The following CDH13 variants were observed in gnomAD, a reference collection of about 807,000 sequenced individuals.
CDH13 encodes cadherin-13.
Under a neutral mutation model 63.8 loss-of-function variants are expected in CDH13, and 24 were observed. The observed-to-expected ratio is 0.38, with a 90% CI of 0.27 to 0.53. CDH13 has a LOEUF of 0.53. CDH13 is among the 20% of genes least tolerant of loss of function. The probability of loss-of-function intolerance (pLI) is 0.85; values close to 1 mark genes in which losing one functional copy is unlikely to be tolerated. For synonymous variants in CDH13, 503 were observed against 355.3 expected (o/e 1.42, Z -4.67); for missense variants, 1,049 against 903.1 (o/e 1.16, Z -2.07).
intron 8 of CDH13, among the ~76,000 whole-genome samples, chr16:83,636,962 T>C (rs1258767666): frequency 1.3e-5 from 2 of 152,226 alleles, no homozygotes; most frequent in African/African-American, 4.8e-5. Flanking sequence ...CCAACTGGTG[T>C]GAGATGGTAA....
chr16:82,738,809 TCA>T (rs1450590978), intron 1 of CDH13, among the ~76,000 whole-genome samples: 1 of 152,254 alleles, frequency 6.6e-6, no homozygotes, highest in African/African-American at 2.4e-5. Context: ...TCCTTTTATC[TCA>T]CACATTTCGC....
chr16:83,573,621 A>G (rs1359243100), intron 7 of CDH13, among the ~76,000 whole-genome samples: 1 of 152,232 alleles, frequency 6.6e-6, no homozygotes, highest in Non-Finnish European at 1.5e-5. Flanking sequence ...ACAATTTGCC[A>G]TATAAACTGA....
At chr16:83,444,939 G>T (rs1567677189) in intron 6 of CDH13, among the ~76,000 whole-genome samples, 4 of 42,006 alleles carry the variant, frequency 9.5e-5, no homozygotes, top group Non-Finnish European at 2.2e-4. Context: ...TTCCCACGTT[G>T]CAGGTAGGAA....
At chr16:83,083,972 C>T (rs535050484) in intron 3 of CDH13, among the ~76,000 whole-genome samples, 5 of 152,304 alleles carry the variant, frequency 3.3e-5, no homozygotes, top group East Asian at 1.9e-4. Context: ...GCAGCTGTTT[C>T]GAGACCAGAC....
In CDH13 at chr16:82,845,799, A is replaced by G. The variant is rs561345568; in HGVS notation, c.46-12563A>G. Among the ~76,000 whole-genome samples, 6 of 152,342 alleles carry G rather than the reference A, an allele frequency of 3.9e-5. No individual in the cohort carries two copies. In the South Asian group the frequency reaches 1.0e-3, roughly 26 times the overall value. On this transcript the variant is annotated intron_variant, in intron 1 of 13. Coordinates refer to ENST00000567109, the MANE Select transcript of CDH13 (RefSeq NM_001257.5). ...TTCATAAATAGATGCAAATACCACC[A>G]ACCCTGAGCAGGCACATCCTCTGGT...
At chr16:82,980,148 G>A (rs1910072043) in intron 2 of CDH13, among the ~76,000 whole-genome samples, 1 of 152,172 alleles carries the variant, frequency 6.6e-6, no homozygotes, top group Non-Finnish European at 1.5e-5. Context: ...TCTCTGAAGT[G>A]GAGACAGTGA....
chr16:83,622,923 T>G (rs1780162219), intron 8 of CDH13, among the ~76,000 whole-genome samples: 1 of 152,204 alleles, frequency 6.6e-6, no homozygotes, highest in African/African-American at 2.4e-5. Context: ...AAATTCTTGC[T>G]TTCATGAGGC....
intron 7 of CDH13, among the ~76,000 whole-genome samples, chr16:83,549,076 A>G (rs933299539): frequency 6.6e-6 from 1 of 152,168 alleles, no homozygotes; most frequent in African/African-American, 2.4e-5. Flanking sequence ...CTGAAAGCTC[A>G]GAGGAGCAGG....
chr16:83,373,719 A>C (rs1309254593), intron 6 of CDH13, among the ~76,000 whole-genome samples: 2 of 152,318 alleles, frequency 1.3e-5, no homozygotes, highest in East Asian at 1.9e-4. Flanking sequence ...CTTGGATTTG[A>C]ATCTCCGCTT....
intron 5 of CDH13, among the ~76,000 whole-genome samples, chr16:83,287,243 C>T (rs1198083402): frequency 6.6e-6 from 1 of 152,146 alleles, no homozygotes; most frequent in Admixed American, 6.5e-5. Flanking sequence ...CAGACTGGGG[C>T]CAGCTGATGA....
intron 1 of CDH13, among the ~76,000 whole-genome samples, chr16:82,637,137 C>T (rs193258540): frequency 6.6e-6 from 1 of 152,160 alleles, no homozygotes; most frequent in Non-Finnish European, 1.5e-5. Context: ...GGCCAGGATC[C>T]TACAGCTGTC....
chr16:82,829,088 C>T (rs1274706381), intron 1 of CDH13, among the ~76,000 whole-genome samples: 3 of 152,048 alleles, frequency 2.0e-5, no homozygotes, highest in African/African-American at 7.2e-5. Flanking sequence ...AAGGGTGGTC[C>T]ATGGAGACTG....
At chr16:83,509,380 G>A (rs529008305) in intron 7 of CDH13, among the ~76,000 whole-genome samples, 2 of 152,328 alleles carry the variant, frequency 1.3e-5, no homozygotes, top group Admixed American at 6.5e-5. Flanking sequence ...TCTCTGTAAA[G>A]GGCCAGATAG....
intron 4 of CDH13, among the ~76,000 whole-genome samples, chr16:83,208,652 A>G (rs1381393986): frequency 1.3e-5 from 2 of 152,238 alleles, no homozygotes; most frequent in African/African-American, 4.8e-5. Context: ...ACCTACCTTC[A>G]TCCTCTAAAG....
intron 3 of CDH13, among the ~76,000 whole-genome samples, chr16:83,113,230 A>C (rs1009611454): frequency 6.6e-6 from 1 of 152,264 alleles, no homozygotes; most frequent in African/African-American, 2.4e-5. Context: ...AAAGAATCCA[A>C]CTGAGAGTGG....
chr16:83,585,482 T>A (rs1193299035), intron 7 of CDH13, among the ~76,000 whole-genome samples: 2 of 152,120 alleles, frequency 1.3e-5, no homozygotes, highest in African/African-American at 4.8e-5. Context: ...TGTGCTTGGC[T>A]GGGGAGCTGC....
chr16:82,763,193 A>T (rs55919647), intron 1 of CDH13, among the ~76,000 whole-genome samples: 2,178 of 152,188 alleles, frequency 0.014, 54 homozygotes, highest in African/African-American at 0.051. Flanking sequence ...CTTTCTTTCA[A>T]TTAGAATCTT....
At chr16:83,713,439 G>A (rs751379758) in intron 10 of CDH13, among the ~76,000 whole-genome samples, 1 of 151,986 alleles carries the variant, frequency 6.6e-6, no homozygotes, top group Non-Finnish European at 1.5e-5. Context: ...TGGGGAGGGA[G>A]GGAGATTTTG....
At chr16:83,216,418 A>T (rs1351262233) in intron 4 of CDH13, among the ~76,000 whole-genome samples, 2 of 93,158 alleles carry the variant, frequency 2.1e-5, no homozygotes, top group Non-Finnish European at 4.3e-5. Flanking sequence ...ATATATATAT[A>T]TATATATATA....
Sources: allele counts gnomAD v4.1 joint callset (sites outside exome capture counted in the v4.1 genomes callset), GRCh38; gene constraint gnomAD v4.1.1; transcripts MANE v1.5; gene names NCBI Gene and HGNC (gene_info 2026-07-23, HGNC 2026-07-21).